The following TEAD1 variants were observed in gnomAD, a reference collection of about 807,000 sequenced individuals.
TEAD1 encodes transcriptional enhancer factor TEF-1.
Under a neutral mutation model 54.9 loss-of-function variants are expected in TEAD1, and 9 were observed. The observed-to-expected ratio is 0.16, with a 90% CI of 0.10 to 0.29. The LOEUF (loss-of-function observed/expected upper bound fraction) is 0.29, where lower values mean the gene tolerates loss of function less well. TEAD1 is among the 10% of genes least tolerant of loss of function. The pLI is 1.00. For synonymous variants in TEAD1, 200 were observed against 187.8 expected (o/e 1.07, Z -0.53); for missense variants, 387 against 535.9 (o/e 0.72, Z 2.74).
At chr11:12,896,959 G>C (rs1194624470) in intron 9 of TEAD1, among the ~76,000 whole-genome samples, 1 of 152,164 alleles carries the variant, frequency 6.6e-6, no homozygotes, top group Non-Finnish European at 1.5e-5. Context: ...TTGACCTTGA[G>C]ATGTTGATAA....
At chr11:12,935,033 A>C (rs1455245767) in intron 12 of TEAD1, among the ~76,000 whole-genome samples, 1 of 152,136 alleles carries the variant, frequency 6.6e-6, no homozygotes, top group Admixed American at 6.5e-5. Flanking sequence ...ATACTTAGGT[A>C]CCAGGGGCTG....
At chr11:12,691,179 A>AT (rs1943450299) in intron 2 of TEAD1, among the ~76,000 whole-genome samples, 1 of 152,140 alleles carries the variant, frequency 6.6e-6, no homozygotes, top group Non-Finnish European at 1.5e-5. Flanking sequence ...TAAATTATTG[A>AT]ATGCGTTTCA....
chr11:12,779,675 A>G (rs948006530), intron 3 of TEAD1, among the ~76,000 whole-genome samples: 11 of 152,252 alleles, frequency 7.2e-5, no homozygotes, highest in African/African-American at 2.7e-4. Flanking sequence ...ATAGATATAA[A>G]ACTCCTCCAC....
intron 5 of TEAD1, among the ~76,000 whole-genome samples, chr11:12,878,046 A>G (rs1349916299): frequency 1.3e-5 from 2 of 151,880 alleles, no homozygotes; most frequent in East Asian, 3.9e-4. Context: ...GGCCCAAGTA[A>G]TCCTCCCACC....
At chr11:12,723,957 G>A (rs759613121) in intron 2 of TEAD1, among the ~76,000 whole-genome samples, 4 of 152,136 alleles carry the variant, frequency 2.6e-5, no homozygotes, top group Non-Finnish European at 5.9e-5. Flanking sequence ...GACAGAGTTC[G>A]CTTGATGACA....
intron 3 of TEAD1, among the ~76,000 whole-genome samples, chr11:12,845,668 G>C (rs1330381378): frequency 6.6e-6 from 1 of 152,200 alleles, no homozygotes; most frequent in Non-Finnish European, 1.5e-5. Context: ...CCGTACTGTT[G>C]TTGTAAAACA....
At chr11:12,696,251 T>G (rs1361297489) in intron 2 of TEAD1, among the ~76,000 whole-genome samples, 1 of 152,214 alleles carries the variant, frequency 6.6e-6, no homozygotes, top group East Asian at 1.9e-4. Context: ...GTAGATACTT[T>G]CTATAGTAGG....
intron 3 of TEAD1, among the ~76,000 whole-genome samples, chr11:12,821,946 C>T (rs1200578629): frequency 8.0e-6 from 1 of 125,146 alleles, no homozygotes; most frequent in Admixed American, 8.8e-5. Flanking sequence ...TACTCTCTCT[C>T]CTTTTTCTCT....
chr11:12,686,996 G>T (rs888493834), intron 2 of TEAD1, among the ~76,000 whole-genome samples: 2 of 152,170 alleles, frequency 1.3e-5, no homozygotes, highest in Admixed American at 1.3e-4. Flanking sequence ...TGTTGGGGTG[G>T]TTCACTGGGA....
chr11:12,679,980 C>T (rs1334943265), intron 2 of TEAD1, among the ~76,000 whole-genome samples: 1 of 152,146 alleles, frequency 6.6e-6, no homozygotes, highest in Non-Finnish European at 1.5e-5. Context: ...CAGTGTTTTT[C>T]TAATAGATAG....
intron 5 of TEAD1, chr11:12,865,669 G>A (rs1219811984): frequency 6.6e-6 from 1 of 151,896 alleles, no homozygotes; most frequent in Non-Finnish European, 1.5e-5. Flanking sequence ...TAGGAAAAAT[G>A]GGGGCATTGA....
At chr11:12,914,286 G>T (rs2134146841) in intron 10 of TEAD1, among the ~76,000 whole-genome samples, 1 of 152,272 alleles carries the variant, frequency 6.6e-6, no homozygotes, top group South Asian at 2.1e-4. Flanking sequence ...GCACAATAAA[G>T]GGGCCCTTGG....
chr11:12,768,265 G>A (rs1487724784), intron 3 of TEAD1, among the ~76,000 whole-genome samples: 2 of 152,182 alleles, frequency 1.3e-5, no homozygotes, highest in Admixed American at 6.5e-5. Flanking sequence ...AACTGAAAAG[G>A]AGGATTAGAT....
chr11:12,879,025 C>T, intron 5 of TEAD1: 19 of 684,568 alleles, frequency 2.8e-5, no homozygotes, highest in Non-Finnish European at 3.6e-5. Context: ...GGAGAAACCA[C>T]GTACCTGTAG....
At chr11:12,805,904 A>G (rs1338569207) in intron 3 of TEAD1, among the ~76,000 whole-genome samples, 2 of 152,028 alleles carry the variant, frequency 1.3e-5, no homozygotes, top group East Asian at 3.8e-4. Context: ...TTTTTTCACT[A>G]GGAATTTTGC....
At chr11:12,854,526 A>C (rs1381769757) in intron 3 of TEAD1, among the ~76,000 whole-genome samples, 1 of 152,194 alleles carries the variant, frequency 6.6e-6, no homozygotes, top group Non-Finnish European at 1.5e-5. Context: ...TGATCTGACC[A>C]GTTCTCATGG....
chr11:12,791,890 A>G (rs1945809358), intron 3 of TEAD1, among the ~76,000 whole-genome samples: 1 of 152,208 alleles, frequency 6.6e-6, no homozygotes, highest in Non-Finnish European at 1.5e-5. Flanking sequence ...TTATATGCAA[A>G]ACAAGTTAAA....
rs1436419919 is a variant in TEAD1 at position 12,675,503 on chromosome 11, T to G, written c.-113T>G. 1 of 152,146 alleles carries G rather than the reference T, an allele frequency of 6.6e-6. No individual in the cohort carries two copies. The highest frequency in any genetic ancestry group is 2.4e-5 in the African/African-American group (1 of 41,394). The allele number at this position is 152,146 out of a possible 1,614,324, so 9.4% of individuals were successfully genotyped here. A position where few individuals can be genotyped will look rare whatever the true frequency, so the allele number is the denominator to read the frequency against. ...AACATTGTGTCCAAAAAAGACTGAGTCGCAGTTACCACCAAACCCAGGAGG... is the reference window on the plus strand; with the variant it reads ...AACATTGTGTCCAAAAAAGACTGAGGCGCAGTTACCACCAAACCCAGGAGG... On this transcript the variant is annotated 5_prime_UTR_variant, in exon 2 of 13. Transcript: ENST00000527636.
intron 3 of TEAD1, among the ~76,000 whole-genome samples, chr11:12,827,419 C>G (rs1400731521): frequency 6.6e-6 from 1 of 152,188 alleles, no homozygotes; most frequent in African/African-American, 2.4e-5. Flanking sequence ...TGTGTATAAT[C>G]TCATTTCATT....
Sources: gnomAD v4.1 joint callset for allele counts (sites outside exome capture counted in the v4.1 genomes callset) on GRCh38, gnomAD v4.1.1 for gene constraint, MANE v1.5 for transcripts, NCBI Gene and HGNC (gene_info 2026-07-23, HGNC 2026-07-21) for gene names.